Variants in SMIM10L2B observed in about 807,000 individuals in gnomAD.
SMIM10L2B encodes the protein small integral membrane protein 10 like 2B, also known as small integral membrane protein 10-like protein 2B.
For synonymous variants in SMIM10L2B, 28 were observed against 30.0 expected (o/e 0.93, Z 0.22); for missense variants, 40 against 58.7 (o/e 0.68, Z 1.04).
rs1312707767 is a variant in SMIM10L2B, at chrX:135,095,541, T to G, written c.*1945A>C. On this transcript the variant is annotated 3_prime_UTR_variant, in exon 2 of 2. Transcript: ENST00000433425. ...AGAGTCCCAGGATGAGCCCCTTGCA[T>G]GGGGAGGGCTCAGGCACCCCCCACT... The G allele has an allele frequency of 9.0e-6, 1 of 111,617 alleles. No homozygotes were observed. The highest frequency in any genetic ancestry group is 2.8e-4 in the East Asian group (1 of 3,521). 9.2% of individuals were successfully genotyped at this position (111,617 alleles called of 1,213,427 possible). A position where few individuals can be genotyped will look rare whatever the true frequency, so the allele number is the denominator to read the frequency against.
At position 135,098,320 on chromosome X, in the gene SMIM10L2B, C is replaced by G; in HGVS notation, c.*77G>C. 13 of 297,484 alleles carry G rather than the reference C, an allele frequency of 4.4e-5. No homozygotes were observed. Among genetic ancestry groups the G allele is most frequent in the Non-Finnish European group, 6.3e-5 (11 of 174,479 alleles). The allele number at this position is 297,484 out of a possible 1,213,427, so 24.5% of individuals were successfully genotyped here. On this transcript the variant is annotated 3_prime_UTR_variant, in exon 1 of 2. Coordinates refer to ENST00000433425, the MANE Select transcript of SMIM10L2B (RefSeq NM_001348255.2). ...CCGCGATCCAGCTGTCCTTCATGCC[C>G]GCGACCCGGCCGGGGGCGGGCGGGG... is the stretch of plus-strand genomic sequence containing the variant.
chrX:135,098,154 T>G lies in SMIM10L2B; in HGVS notation c.*243A>C. 1 of 220,481 alleles carries G rather than the reference T, an allele frequency of 4.5e-6. No homozygotes were observed. The allele number at this position is 220,481 out of a possible 1,213,427, so 18.2% of individuals were successfully genotyped here. ...AGCTCAGGTAGTTTCTGGAGCCCAATTGTAGGGGCCTGTTCAGTGCATTTC... is the reference window on the plus strand; with the variant it reads ...AGCTCAGGTAGTTTCTGGAGCCCAAGTGTAGGGGCCTGTTCAGTGCATTTC... On this transcript the variant is annotated 3_prime_UTR_variant, in exon 1 of 2. Coordinates refer to ENST00000433425, the MANE Select transcript of SMIM10L2B (RefSeq NM_001348255.2).
At chrX:135,097,791 C>A (rs1210547045) in intron 1 of SMIM10L2B, among the ~76,000 whole-genome samples, 1 of 112,280 alleles carries the variant, frequency 8.9e-6, no homozygotes, top group Non-Finnish European at 1.9e-5. Flanking sequence ...GGGGCCTCTG[C>A]GGAAAGGGAG....
chrX:135,096,954 C>T lies in SMIM10L2B; in HGVS notation c.*532G>A, dbSNP rs2083449276. 1 of 113,058 alleles carries T rather than the reference C, an allele frequency of 8.8e-6. No individual in the cohort carries two copies. 9.3% of individuals were successfully genotyped at this position (113,058 alleles called of 1,213,427 possible). A position where few individuals can be genotyped will look rare whatever the true frequency, so the allele number is the denominator to read the frequency against. ...ACTGGGCACCCCCACCCCTGTGAGCCTTTGTCCATGCTGTGCCTCTACTAG... is the reference window on the plus strand; with the variant it reads ...ACTGGGCACCCCCACCCCTGTGAGCTTTTGTCCATGCTGTGCCTCTACTAG... On this transcript the variant is annotated 3_prime_UTR_variant, in exon 2 of 2. Coordinates refer to ENST00000433425, the MANE Select transcript of SMIM10L2B (RefSeq NM_001348255.2).
In SMIM10L2B at chrX:135,098,207, C is replaced by G. The variant is rs1391660021; in HGVS notation, c.*190G>C. On this transcript the variant is annotated 3_prime_UTR_variant, in exon 1 of 2. Coordinates refer to ENST00000433425, the MANE Select transcript of SMIM10L2B (RefSeq NM_001348255.2). Reference sequence around the variant, plus strand: ...CGCGATCCGGGGTCCCGGGCTGAGACCGCGGCCAGGGCCAGGGCTGGGCCT... The same window carrying G: ...CGCGATCCGGGGTCCCGGGCTGAGAGCGCGGCCAGGGCCAGGGCTGGGCCT... 1.5e-5 allele frequency: 4 copies of G among 258,768 alleles called. No homozygotes were observed. The highest frequency in any genetic ancestry group is 2.7e-5 in the Non-Finnish European group (4 of 146,250). The allele number at this position is 258,768 out of a possible 1,213,427, so 21.3% of individuals were successfully genotyped here. A position where few individuals can be genotyped will look rare whatever the true frequency, so the allele number is the denominator to read the frequency against.
chrX:135,098,558 A>G lies in SMIM10L2B; in HGVS notation c.76T>C (p.Ser26Pro). 11 of 868,000 alleles carry G rather than the reference A, an allele frequency of 1.3e-5. No individual in the cohort carries two copies. The highest frequency in any genetic ancestry group is 1.7e-5 in the Non-Finnish European group (11 of 651,687). The allele number at this position is 868,000 out of a possible 1,213,427, so 71.5% of individuals were successfully genotyped here. ...CCGTATGAGCCTCGGGCCGCCGCCGAGCGCGACAGCCGAACCGCCAAGCCA... is the reference window on the plus strand; with the variant it reads ...CCGTATGAGCCTCGGGCCGCCGCCGGGCGCGACAGCCGAACCGCCAAGCCA... ...LSGLAVRLSR[S>P]AAARGSYGAF... The change falls in exon 1 of 2, where the codon TCG (serine) becomes CCG (proline). Residue 26 changes from serine to proline, a missense_variant. Ser to Pro is a moderately conservative substitution (Grantham distance 74, BLOSUM62 -1). Coordinates refer to ENST00000433425, the MANE Select transcript of SMIM10L2B (RefSeq NM_001348255.2).
In SMIM10L2B at chrX:135,095,508, C is replaced by G. The variant is rs782346469; in HGVS notation, c.*1978G>C. 1 of 111,998 alleles carries G rather than the reference C, an allele frequency of 8.9e-6. No individual in the cohort carries two copies. The highest frequency in any genetic ancestry group is 3.2e-5 in the African/African-American group (1 of 30,812). 9.2% of individuals were successfully genotyped at this position (111,998 alleles called of 1,213,427 possible). A position where few individuals can be genotyped will look rare whatever the true frequency, so the allele number is the denominator to read the frequency against. On this transcript the variant is annotated 3_prime_UTR_variant, in exon 2 of 2. Transcript: ENST00000433425. ...ACACACATTTCTCCCAGTAGGGAAG[C>G]AGCTTCCAGAGTCCCAGGATGAGCC...
rs1435046746 is a variant in SMIM10L2B, at chrX:135,098,353, C to T, written c.*44G>A. On this transcript the variant is annotated 3_prime_UTR_variant, in exon 1 of 2. Transcript: ENST00000433425. ...GGCCGGGGGCGGGCGGGGACACTGTCGCCCCTCCAGCCGGGCCTCCGCGGC... is the reference window on the plus strand; with the variant it reads ...GGCCGGGGGCGGGCGGGGACACTGTTGCCCCTCCAGCCGGGCCTCCGCGGC... The T allele has an allele frequency of 6.5e-5, 23 of 355,543 alleles. No individual in the cohort carries two copies. The highest frequency in any genetic ancestry group is 1.0e-4 in the Non-Finnish European group (22 of 218,856). The allele number at this position is 355,543 out of a possible 1,213,427, so 29.3% of individuals were successfully genotyped here.
chrX:135,095,656 G>C lies in SMIM10L2B; in HGVS notation c.*1830C>G, dbSNP rs1190824577. 1 of 111,786 alleles carries C rather than the reference G, an allele frequency of 8.9e-6. No homozygotes were observed. Among genetic ancestry groups the C allele is most frequent in the Non-Finnish European group, 1.9e-5 (1 of 52,967 alleles). 9.2% of individuals were successfully genotyped at this position (111,786 alleles called of 1,213,427 possible). On this transcript the variant is annotated 3_prime_UTR_variant, in exon 2 of 2. Coordinates refer to ENST00000433425, the MANE Select transcript of SMIM10L2B (RefSeq NM_001348255.2). ...GGAGCTAGGGATCCAGTCACCCAGA[G>C]GGTGACACCAGGGTTTGAAAGGGCC...
In SMIM10L2B at chrX:135,096,360, C is replaced by T. The variant is rs1395775700; in HGVS notation, c.*1126G>A. On this transcript the variant is annotated 3_prime_UTR_variant, in exon 2 of 2. Coordinates refer to ENST00000433425, the MANE Select transcript of SMIM10L2B (RefSeq NM_001348255.2). ...CCAGCCCACCCCAGGTTTATCCCTT[C>T]ACCCTCCTGGTTATGTCGTGTCTCC... 1 of 110,769 alleles carries T rather than the reference C, an allele frequency of 9.0e-6. No individual in the cohort carries two copies. Among genetic ancestry groups the T allele is most frequent in the Non-Finnish European group, 1.9e-5 (1 of 52,785 alleles). 9.1% of individuals were successfully genotyped at this position (110,769 alleles called of 1,213,427 possible). A position where few individuals can be genotyped will look rare whatever the true frequency, so the allele number is the denominator to read the frequency against.
chrX:135,097,769 G>A, intron 1 of SMIM10L2B, among the ~76,000 whole-genome samples: 1 of 112,306 alleles, frequency 8.9e-6, no homozygotes, highest in Non-Finnish European at 1.9e-5. Flanking sequence ...CCAGGTTTCA[G>A]TGGACACCCT....
At position 135,095,642 on chromosome X, in the gene SMIM10L2B, T is replaced by A. The variant is rs2083444395; in HGVS notation, c.*1844A>T. 9.0e-6 allele frequency: 1 copy of A among 111,290 alleles called. No individual in the cohort carries two copies. The highest frequency in any genetic ancestry group is 3.8e-4 in the South Asian group (1 of 2,633). The allele number at this position is 111,290 out of a possible 1,213,427, so 9.2% of individuals were successfully genotyped here. A position where few individuals can be genotyped will look rare whatever the true frequency, so the allele number is the denominator to read the frequency against. On this transcript the variant is annotated 3_prime_UTR_variant, in exon 2 of 2. Transcript: ENST00000433425. ...CCCAGGAAGAGGCTGGAGCTAGGGA[T>A]CCAGTCACCCAGAGGGTGACACCAG...
In SMIM10L2B at chrX:135,098,065, C is replaced by T. The variant is rs1467241795; in HGVS notation, c.*332G>A. The stretch of plus-strand genomic sequence containing the variant: ...CTCGGGGCGGGGAAAGTCAAGTCGC[C>T]GCAGCAGAATTCCCTCCTTCTGGTT... On this transcript the variant is annotated 3_prime_UTR_variant, in exon 1 of 2. Transcript: ENST00000433425. 3.6e-5 allele frequency: 5 copies of T among 139,971 alleles called. No individual in the cohort carries two copies. The highest frequency in any genetic ancestry group is 1.6e-4 in the African/African-American group (5 of 32,009). The allele number at this position is 139,971 out of a possible 1,213,427, so 11.5% of individuals were successfully genotyped here.
chrX:135,096,746 C>CAG lies in SMIM10L2B; in HGVS notation c.*738_*739dup, dbSNP rs1415631989. 1.8e-5 allele frequency: 2 copies of CAG among 111,724 alleles called. No individual in the cohort carries two copies. The highest frequency in any genetic ancestry group is 3.8e-5 in the Non-Finnish European group (2 of 53,003). 9.2% of individuals were successfully genotyped at this position (111,724 alleles called of 1,213,427 possible). On this transcript the variant is annotated 3_prime_UTR_variant, in exon 2 of 2. Coordinates refer to ENST00000433425, the MANE Select transcript of SMIM10L2B (RefSeq NM_001348255.2). ...GACTGGGGAGGGGTGTGGGAGCCTG[C>CAG]AGGCCCAGGGGCACACGCAGTTCCT...
At chrX:135,097,643 C>T (rs2083451664) in intron 1 of SMIM10L2B, among the ~76,000 whole-genome samples, 1 of 112,015 alleles carries the variant, frequency 8.9e-6, no homozygotes, top group African/African-American at 3.3e-5. Flanking sequence ...AGGGCTCGGC[C>T]TAGAAGAGAA....
rs1464543588 is a variant in SMIM10L2B at position 135,095,193 on chromosome X, G to A, written c.*2293C>T. On this transcript the variant is annotated 3_prime_UTR_variant, in exon 2 of 2. Transcript: ENST00000433425. The stretch of plus-strand genomic sequence containing the variant: ...AAAACAGACTGCAAATAAATAAAGT[G>A]CATGGAGACCCCATCACGCAGCAAG... The A allele has an allele frequency of 3.6e-5, 4 of 111,679 alleles. No individual in the cohort carries two copies. Among genetic ancestry groups the A allele is most frequent in the Non-Finnish European group, 5.6e-5 (3 of 53,170 alleles). The allele number at this position is 111,679 out of a possible 1,213,427, so 9.2% of individuals were successfully genotyped here.
Position 135,095,764 on chromosome X carries a change from C to T in SMIM10L2B, c.*1722G>A, listed in dbSNP as rs1298080325. The T allele has an allele frequency of 8.9e-6, 1 of 112,250 alleles. No individual in the cohort carries two copies. The highest frequency in any genetic ancestry group is 3.2e-5 in the African/African-American group (1 of 30,807). 9.3% of individuals were successfully genotyped at this position (112,250 alleles called of 1,213,427 possible). On this transcript the variant is annotated 3_prime_UTR_variant, in exon 2 of 2. Coordinates refer to ENST00000433425, the MANE Select transcript of SMIM10L2B (RefSeq NM_001348255.2). Reference sequence around the variant, plus strand: ...TCACTCTTGTCCCACAGAGGCTGCCCCCAGAGATCTGTTGGGGGGACCAGC... The same window carrying T: ...TCACTCTTGTCCCACAGAGGCTGCCTCCAGAGATCTGTTGGGGGGACCAGC...
In SMIM10L2B at chrX:135,098,306, C is replaced by CTGTCCTTCA. The variant is rs1302560655; in HGVS notation, c.*82_*90dup. 3.5e-6 allele frequency: 1 copy of CTGTCCTTCA among 288,431 alleles called. No homozygotes were observed. The highest frequency in any genetic ancestry group is 2.8e-5 in the African/African-American group (1 of 35,580). The allele number at this position is 288,431 out of a possible 1,213,427, so 23.8% of individuals were successfully genotyped here. A position where few individuals can be genotyped will look rare whatever the true frequency, so the allele number is the denominator to read the frequency against. ...ACCTCCGCCCCCCGCCGCGATCCAG[C>CTGTCCTTCA]TGTCCTTCATGCCCGCGACCCGGCC... On this transcript the variant is annotated 3_prime_UTR_variant, in exon 1 of 2. Transcript: ENST00000433425.
At chrX:135,097,594 G>C (rs2083451275) in intron 1 of SMIM10L2B, among the ~76,000 whole-genome samples, 1 of 112,234 alleles carries the variant, frequency 8.9e-6, no homozygotes, top group Admixed American at 9.3e-5. Context: ...AGGAGCTGCA[G>C]AGAGACCCAG....
Sources: gnomAD v4.1 joint callset for allele counts (sites outside exome capture counted in the v4.1 genomes callset) on GRCh38, gnomAD v4.1.1 for gene constraint, MANE v1.5 for transcripts, NCBI Gene and HGNC (gene_info 2026-07-23, HGNC 2026-07-21) for gene names.